SDK1: variants seen among roughly 807,000 people sequenced by gnomAD.
SDK1 encodes sidekick cell adhesion molecule 1.
SDK1 carries 157 observed loss-of-function variants against 245.5 expected under a neutral mutation model. That is an observed-to-expected ratio of 0.64 (90% confidence interval 0.56 to 0.73). The LOEUF is 0.73. Among genes scored for constraint, SDK1 ranks in the 30% least tolerant of loss-of-function variants. The pLI is 0.00. For missense variants in SDK1, 3,583 were observed against 3,002.3 expected (o/e 1.19, Z -4.52); for synonymous variants, 1,647 against 1,278.5 (o/e 1.29, Z -6.15).
At chr7:3,986,846 C>T (rs898549649) in intron 13 of SDK1, among the ~76,000 whole-genome samples, 11 of 152,106 alleles carry the variant, frequency 7.2e-5, no homozygotes, top group Admixed American at 2.0e-4. Context: ...GGCGACAGAG[C>T]GAGACTTGGT....
intron 1 of SDK1, among the ~76,000 whole-genome samples, chr7:3,594,774 G>A (rs1359194978): frequency 6.6e-6 from 1 of 152,100 alleles, no homozygotes; most frequent in Non-Finnish European, 1.5e-5. Flanking sequence ...TACTGTTTTA[G>A]AGATAATACT....
At chr7:3,346,680 G>C (rs1489836940) in intron 1 of SDK1, among the ~76,000 whole-genome samples, 1 of 127,620 alleles carries the variant, frequency 7.8e-6, no homozygotes, top group Non-Finnish European at 1.7e-5. Flanking sequence ...TTTTTTTTTT[G>C]GTGTGTGTGT....
At chr7:4,144,023 G>A (rs1261252257) in intron 28 of SDK1, among the ~76,000 whole-genome samples, 1 of 152,126 alleles carries the variant, frequency 6.6e-6, no homozygotes, top group Non-Finnish European at 1.5e-5. Flanking sequence ...TCCATTGTGT[G>A]TGCACGGCTG....
rs531096793 is a variant in SDK1, at chr7:3,535,606, C to T, written c.299-83474C>T. On this transcript the variant is annotated intron_variant, in intron 1 of 44. Transcript: ENST00000404826. ...AGCGCGGGCCTTCTATAACATGGTC[C>T]CTTAGCATCCTTATATTTGTAATAT... Among the ~76,000 whole-genome samples the T allele has an allele frequency of 1.8e-4, 28 of 152,212 alleles. No individual in the cohort carries two copies. In the South Asian group the frequency reaches 5.2e-3, roughly 28 times the overall value.
chr7:4,116,905 C>T (rs927554614), intron 25 of SDK1, among the ~76,000 whole-genome samples: 1 of 152,184 alleles, frequency 6.6e-6, no homozygotes, highest in Non-Finnish European at 1.5e-5. Flanking sequence ...GCCCAGTGTC[C>T]CTCGGCTCTC....
At chr7:3,797,458 TACACACACAC>T (rs34376723) in intron 4 of SDK1, among the ~76,000 whole-genome samples, 3,607 of 147,560 alleles carry the variant, frequency 0.024, 83 homozygotes, top group African/African-American at 0.05. Context: ...GGGGTGTGTA[TACACACACAC>T]ACACACACAC....
intron 40 of SDK1, 77 bp from the exon 41 acceptor site, chr7:4,233,178 C>T (rs1000721445): frequency 2.1e-5 from 30 of 1,445,936 alleles, no homozygotes; most frequent in Admixed American, 1.8e-4. Context: ...AGCCGACCCA[C>T]CAGGCAGGTG....
At chr7:3,998,822 T>A (rs955534968) in intron 14 of SDK1, among the ~76,000 whole-genome samples, 2 of 152,214 alleles carry the variant, frequency 1.3e-5, no homozygotes, top group Non-Finnish European at 2.9e-5. Context: ...AGTCGGCGTC[T>A]CCACTGCCTA....
At chr7:4,227,601 G>A (rs1291673827) in intron 40 of SDK1, among the ~76,000 whole-genome samples, 2 of 152,222 alleles carry the variant, frequency 1.3e-5, no homozygotes, top group Non-Finnish European at 2.9e-5. Flanking sequence ...CAAGCGGTTG[G>A]TTGTGTGAGT....
chr7:3,827,974 A>G (rs1337300978), intron 5 of SDK1, among the ~76,000 whole-genome samples: 1 of 152,194 alleles, frequency 6.6e-6, no homozygotes, highest in Non-Finnish European at 1.5e-5. Flanking sequence ...CGTCTGTCCT[A>G]ACTAATACAT....
chr7:3,879,582 A>G (rs1448346855), intron 5 of SDK1, among the ~76,000 whole-genome samples: 1 of 152,184 alleles, frequency 6.6e-6, no homozygotes, highest in African/African-American at 2.4e-5. Context: ...GCAGCCAGCC[A>G]CGCTCCCGGT....
chr7:3,994,034 CT>C (rs1784531385), intron 14 of SDK1, among the ~76,000 whole-genome samples: 1 of 152,128 alleles, frequency 6.6e-6, no homozygotes, highest in South Asian at 2.1e-4. Flanking sequence ...TCCATTTTCT[CT>C]GACTCATTGA....
At chr7:3,532,861 C>A (rs755289261) in intron 1 of SDK1, among the ~76,000 whole-genome samples, 3 of 151,974 alleles carry the variant, frequency 2.0e-5, no homozygotes, top group Non-Finnish European at 4.4e-5. Context: ...AGGCTCTTTT[C>A]GTCTTTAGCC....
At chr7:3,303,457 A>G (rs1333250624) in intron 1 of SDK1, among the ~76,000 whole-genome samples, 2 of 152,244 alleles carry the variant, frequency 1.3e-5, no homozygotes, top group Non-Finnish European at 2.9e-5. Flanking sequence ...AGTATATTAC[A>G]TAGATTTCAA....
At chr7:3,431,170 G>C (rs1472078959) in intron 1 of SDK1, among the ~76,000 whole-genome samples, 1 of 151,962 alleles carries the variant, frequency 6.6e-6, no homozygotes, top group East Asian at 1.9e-4. Flanking sequence ...CAAAGTGCTG[G>C]GATTACAGGC....
intron 28 of SDK1, among the ~76,000 whole-genome samples, chr7:4,135,934 A>G (rs1460323911): frequency 6.6e-6 from 1 of 152,172 alleles, no homozygotes; most frequent in African/African-American, 2.4e-5. Flanking sequence ...TTTGTCCTCC[A>G]TAACTCTGGT....
intron 1 of SDK1, among the ~76,000 whole-genome samples, chr7:3,549,365 T>C (rs1358933016): frequency 6.6e-6 from 1 of 152,214 alleles, no homozygotes; most frequent in African/African-American, 2.4e-5. Context: ...TGAGACTGTA[T>C]TGAAGAGAAA....
intron 35 of SDK1, among the ~76,000 whole-genome samples, chr7:4,205,364 G>T (rs1202406895): frequency 6.6e-6 from 1 of 152,062 alleles, no homozygotes; most frequent in Non-Finnish European, 1.5e-5. Flanking sequence ...CAGCAGTCAG[G>T]AGTCCTGTGA....
intron 1 of SDK1, among the ~76,000 whole-genome samples, chr7:3,373,690 A>G (rs537938600): frequency 2.6e-5 from 4 of 152,304 alleles, no homozygotes; most frequent in African/African-American, 9.6e-5. Flanking sequence ...TAAATACTAA[A>G]TGACAAGAGA....
Sources: allele counts gnomAD v4.1 joint callset (sites outside exome capture counted in the v4.1 genomes callset), GRCh38; gene constraint gnomAD v4.1.1; transcripts MANE v1.5; gene names NCBI Gene and HGNC (gene_info 2026-07-23, HGNC 2026-07-21).